The following MAML1 variants were observed in gnomAD, a reference collection of about 807,000 sequenced individuals.
MAML1 encodes the protein mastermind-like protein 1.
MAML1 carries 14 observed loss-of-function variants against 77.1 expected under a neutral mutation model. The observed-to-expected ratio is 0.18, with a 90% CI of 0.12 to 0.28. The LOEUF is 0.28. Among genes scored for constraint, MAML1 ranks in the 10% least tolerant of loss-of-function variants. The probability of loss-of-function intolerance (pLI) is 1.00; values close to 1 mark genes in which losing one functional copy is unlikely to be tolerated. For missense variants in MAML1, 1,217 were observed against 1,327.8 expected (o/e 0.92, Z 1.30); for synonymous variants, 516 against 551.9 (o/e 0.93, Z 0.91).
At chr5:179,752,598 C>CT (rs1172970221) in intron 1 of MAML1, among the ~76,000 whole-genome samples, 2,080 of 71,832 alleles carry the variant, frequency 0.029, 526 homozygotes, top group African/African-American at 0.034. Flanking sequence ...ATTAGATACT[C>CT]TTTTTTTTTT....
Position 179,766,448 on chromosome 5 carries a change from C to T in MAML1, c.1438C>T (p.Pro480Ser), listed in dbSNP as rs751178266. 8 of 1,612,576 alleles carry T rather than the reference C, an allele frequency of 5.0e-6. No homozygotes were observed. The African/African-American group carries it at 1.1e-4, about 22-fold the overall frequency. Reference protein sequence around the residue: ...VNKSSPRPGGPYLQPSHVNLL... With the variant: ...VNKSSPRPGGSYLQPSHVNLL... ...TAAGAGTTCCCCTCGGCCCGGAGGCCCCTACCTCCAGCCCAGCCATGTGAA... is the reference window on the plus strand; with the variant it reads ...TAAGAGTTCCCCTCGGCCCGGAGGCTCCTACCTCCAGCCCAGCCATGTGAA... Residue 480 changes from proline to serine, a missense_variant, in exon 2 of 5, where the codon CCC becomes TCC. By Grantham distance (74) the Pro-to-Ser change is moderately conservative. This residue lies in a region of MAML1 where 884 missense variants were observed against 949.3 expected (regional missense o/e 0.93). Transcript: ENST00000292599. The surrounding 1 kb of genome is among the most constrained non-coding windows in gnomAD (Gnocchi z 4.0).
intron 1 of MAML1, among the ~76,000 whole-genome samples, chr5:179,742,862 A>T (rs773785238): frequency 1.3e-5 from 2 of 152,148 alleles, no homozygotes; most frequent in African/African-American, 4.8e-5. Context: ...GCATGAAGAC[A>T]TGAGCTCTTA....
chr5:179,765,932 G>A lies in MAML1; in HGVS notation c.922G>A (p.Glu308Lys), dbSNP rs767761852. The change falls in exon 2 of 5, where the codon GAG (glutamate) becomes AAG (lysine). Residue 308 changes from glutamate (E) to lysine (K), a missense_variant. Physicochemically the swap from Glu to Lys is moderately conservative, Grantham distance 56. This residue lies in a region of MAML1 where 884 missense variants were observed against 949.3 expected (regional missense o/e 0.93). Transcript: ENST00000292599. The part of the protein sequence containing the change: ...IKTEFSPAAF[E>K]QEQLGSPQVR... ...GACGGAATTCTCTCCAGCAGCCTTT[G>A]AGCAAGAACAGTTAGGCTCTCCACA... The A allele has an allele frequency of 4.3e-6, 7 of 1,614,178 alleles. No individual in the cohort carries two copies. The South Asian group carries it at 6.6e-5, about 15-fold the overall frequency.
At chr5:179,743,156 G>A (rs1167574654) in intron 1 of MAML1, among the ~76,000 whole-genome samples, 2 of 147,530 alleles carry the variant, frequency 1.4e-5, no homozygotes, top group East Asian at 4.1e-4. Context: ...GGGTTCAAGT[G>A]ATTCCCCTGC....
At chr5:179,754,324 G>A (rs752515572) in intron 1 of MAML1, among the ~76,000 whole-genome samples, 11 of 152,126 alleles carry the variant, frequency 7.2e-5, no homozygotes, top group Non-Finnish European at 1.5e-4. Context: ...GGCAGGCATG[G>A]TGGTTCACGC....
chr5:179,733,844 T>C (rs1779116211), intron 1 of MAML1, among the ~76,000 whole-genome samples: 2 of 152,230 alleles, frequency 1.3e-5, no homozygotes, highest in Admixed American at 6.5e-5. Context: ...CAAGATCCTG[T>C]GCTGTGAGCA....
rs1443670512 is a variant in MAML1 at position 179,770,967 on chromosome 5, G to T, written c.1972-180G>T. Reference sequence around the variant, plus strand: ...ATACCTACCTTTTAAAAAAGTCATTGCTCCCTAGATCTGTTTCATACTATT... The same window carrying T: ...ATACCTACCTTTTAAAAAAGTCATTTCTCCCTAGATCTGTTTCATACTATT... On this transcript the variant is annotated intron_variant, in intron 3 of 4. Coordinates refer to ENST00000292599, the MANE Select transcript of MAML1 (RefSeq NM_014757.5). 4.1e-5 allele frequency: 22 copies of T among 537,966 alleles called. No homozygotes were observed. In the Middle Eastern group the frequency reaches 1.1e-3, roughly 28 times the overall value. The allele number at this position is 537,966 out of a possible 1,614,324, so 33.3% of individuals were successfully genotyped here.
chr5:179,738,241 T>G (rs932268750), intron 1 of MAML1, among the ~76,000 whole-genome samples: 3 of 152,174 alleles, frequency 2.0e-5, no homozygotes, highest in Non-Finnish European at 4.4e-5. Context: ...TTTTATTCTC[T>G]GAACCACCTG....
In MAML1 at chr5:179,766,843, G is replaced by A; in HGVS notation, c.1731+102G>A. On this transcript the variant is annotated intron_variant, in intron 2 of 4. Transcript: ENST00000292599. This position sits in a 1 kb window ranked among gnomAD's most constrained non-coding sequence, Gnocchi z 4.0. Reference sequence around the variant, plus strand: ...TGGATCCGAGGTAGTTGTGGGAAGAGGGAGGAGGGAATAGCTGCTGTCATC... The same window carrying A: ...TGGATCCGAGGTAGTTGTGGGAAGAAGGAGGAGGGAATAGCTGCTGTCATC... The A allele has an allele frequency of 1.1e-6, 1 of 934,808 alleles. No individual in the cohort carries two copies. The highest frequency in any genetic ancestry group is 2.7e-5 in the East Asian group (1 of 36,448). The allele number at this position is 934,808 out of a possible 1,614,324, so 57.9% of individuals were successfully genotyped here.
At chr5:179,761,188 G>T (rs1193049256) in intron 1 of MAML1, among the ~76,000 whole-genome samples, 1 of 152,048 alleles carries the variant, frequency 6.6e-6, no homozygotes, top group Non-Finnish European at 1.5e-5. Context: ...CGGCCCAGGA[G>T]TTTGAGACTA....
chr5:179,738,502 C>A (rs1258858698), intron 1 of MAML1, among the ~76,000 whole-genome samples: 10 of 152,082 alleles, frequency 6.6e-5, no homozygotes, highest in African/African-American at 2.4e-4. Context: ...TGCCTGAGAC[C>A]TTGTCTAGAA....
At chr5:179,759,381 G>A (rs1010926531) in intron 1 of MAML1, among the ~76,000 whole-genome samples, 1 of 152,194 alleles carries the variant, frequency 6.6e-6, no homozygotes. Context: ...TGAAGGTTGA[G>A]TGAGATCCTG....
At position 179,742,850 on chromosome 5, in the gene MAML1, A is replaced by G. The variant is rs1425185206; in HGVS notation, c.315+9423A>G. On this transcript the variant is annotated intron_variant, in intron 1 of 4. Coordinates refer to ENST00000292599, the MANE Select transcript of MAML1 (RefSeq NM_014757.5). ...CATTTCAAATCTTTAATATGCGGCT[A>G]TGCATGAAGACATGAGCTCTTATCA... Among the ~76,000 whole-genome samples, 8 of 152,280 alleles carry G rather than the reference A, an allele frequency of 5.3e-5. No homozygotes were observed. The East Asian group carries it at 9.6e-4, about 18-fold the overall frequency.
rs761292293 is a variant in MAML1, at chr5:179,765,562, C to T, written c.552C>T (p.Asp184=). The change falls in exon 2 of 5, where the codon GAC becomes GAT. Residue 184 remains aspartate, a synonymous_variant. Transcript: ENST00000292599. The part of the protein sequence containing the change: ...QSSGKHSLGL[D]SLNKKRLADS... ...GTGGGAAGCACTCTCTGGGGCTAGA[C>T]TCTCTCAACAAAAAGCGTCTGGCTG... is the stretch of plus-strand genomic sequence containing the variant. 6 of 1,613,942 alleles carry T rather than the reference C, an allele frequency of 3.7e-6. No homozygotes were observed. The highest frequency in any genetic ancestry group is 5.1e-6 in the Non-Finnish European group (6 of 1,179,960).
At chr5:179,756,702 CGAGA>C (rs1320795981) in intron 1 of MAML1, among the ~76,000 whole-genome samples, 1 of 151,760 alleles carries the variant, frequency 6.6e-6, no homozygotes, top group Admixed American at 6.6e-5. Flanking sequence ...GTGTTAGATC[CGAGA>C]GAGAATAGAA....
intron 1 of MAML1, among the ~76,000 whole-genome samples, chr5:179,736,372 C>T (rs1455437281): frequency 1.3e-5 from 2 of 152,070 alleles, no homozygotes; most frequent in African/African-American, 2.4e-5. Context: ...CCTGCCTCAG[C>T]CCCCCAAGTA....
At chr5:179,758,875 C>T (rs1047827491) in intron 1 of MAML1, among the ~76,000 whole-genome samples, 23 of 152,112 alleles carry the variant, frequency 1.5e-4, no homozygotes, top group African/African-American at 5.3e-4. Flanking sequence ...TGGTGGCGCA[C>T]GCCTGTCATC....
Position 179,737,824 on chromosome 5 carries a change from C to G in MAML1, c.315+4397C>G, listed in dbSNP as rs543702727. Among the ~76,000 whole-genome samples the G allele has an allele frequency of 3.4e-3, 520 of 152,194 alleles. 4 individuals carry two copies. Among genetic ancestry groups the G allele is most frequent in the African/African-American group, 0.012 (488 of 41,520 alleles). ...AGGTTTTCATTTCTTTTCCTTTTTT[C>G]TTGAAACAGGGTCTGGCTCTATCAC... On this transcript the variant is annotated intron_variant, in intron 1 of 4. Transcript: ENST00000292599.
intron 1 of MAML1, among the ~76,000 whole-genome samples, chr5:179,758,431 C>T (rs75835064): frequency 0.087 from 12,776 of 146,222 alleles, 757 homozygotes; most frequent in Admixed American, 0.18. Context: ...CTTTCTCTGT[C>T]CCCTAGGCTG....
Sources: allele counts gnomAD v4.1 joint callset (sites outside exome capture counted in the v4.1 genomes callset), GRCh38; gene constraint gnomAD v4.1.1; regional missense constraint gnomAD v4.1.1; non-coding constraint Gnocchi (gnomAD v3.1); transcripts MANE v1.5; gene names NCBI Gene and HGNC (gene_info 2026-07-23, HGNC 2026-07-21).